ESRRB: variants seen among roughly 807,000 people sequenced by gnomAD.
The protein encoded by ESRRB is steroid hormone receptor ERR2.
In ESRRB, 16 loss-of-function variants were observed where a neutral mutation model predicts 46.0. The ratio of observed to expected loss-of-function variants is 0.35; its 90% CI spans 0.24 to 0.53. The LOEUF is 0.53. Among genes scored for constraint, ESRRB ranks in the 20% least tolerant of loss-of-function variants. The pLI is 0.93. For synonymous variants in ESRRB, 246 were observed against 259.6 expected, an observed-to-expected ratio of 0.95 and a Z score of 0.50; for missense variants, 488 against 607.4, an observed-to-expected ratio of 0.80 and a Z score of 2.07.
At chr14:76,404,194 G>A (rs118003772) in intron 1 of ESRRB, among the ~76,000 whole-genome samples, 6,000 of 152,082 alleles carry the variant, frequency 0.039, 167 homozygotes, top group Admixed American at 0.082. Flanking sequence ...GTGTGTGTGC[G>A]CGCGTGCGTG....
At chr14:76,381,750 G>C (rs75874206) in intron 1 of ESRRB, among the ~76,000 whole-genome samples, 3,240 of 152,228 alleles carry the variant, frequency 0.021, 108 homozygotes, top group African/African-American at 0.075. Flanking sequence ...CTGGCTCCTG[G>C]ACTCTGAGCA....
intron 2 of ESRRB, among the ~76,000 whole-genome samples, chr14:76,450,990 G>T (rs2139961529): frequency 6.6e-6 from 1 of 152,332 alleles, no homozygotes; most frequent in South Asian, 2.1e-4. Context: ...ACACAGCCAG[G>T]ATGCCAGTCA....
intron 5 of ESRRB, among the ~76,000 whole-genome samples, chr14:76,485,718 C>T (rs1889992436): frequency 1.3e-5 from 2 of 151,840 alleles, no homozygotes; most frequent in South Asian, 4.2e-4. Context: ...CTGGGGCCCA[C>T]CCTGGGGCCT....
chr14:76,432,606 C>CCCAGCTAATTTTTGTATTTGTAGT (rs1555396599), intron 1 of ESRRB, among the ~76,000 whole-genome samples: 2 of 147,808 alleles, frequency 1.4e-5, no homozygotes, highest in African/African-American at 2.6e-5. Flanking sequence ...CTGCCACCTA[C>CCCAGCTAATTTTTGTATTTGTAGT]AAACTTCTCA....
At chr14:76,492,507 A>G (rs1890270496) in intron 6 of ESRRB, among the ~76,000 whole-genome samples, 1 of 152,202 alleles carries the variant, frequency 6.6e-6, no homozygotes, top group Non-Finnish European at 1.5e-5. Context: ...GAATTCTTAC[A>G]AACAACCCAA....
At chr14:76,423,690 C>T (rs574046992) in intron 1 of ESRRB, among the ~76,000 whole-genome samples, 2 of 152,270 alleles carry the variant, frequency 1.3e-5, no homozygotes, top group African/African-American at 4.8e-5. Flanking sequence ...TCCTCAGATC[C>T]CACCTAACCC....
intron 1 of ESRRB, among the ~76,000 whole-genome samples, chr14:76,380,591 C>G (rs1218419369): frequency 6.6e-6 from 1 of 152,240 alleles, no homozygotes; most frequent in Admixed American, 6.5e-5. Flanking sequence ...TACCGGCCAT[C>G]ATCGAGTCTC....
chr14:76,497,713 G>A (rs1166608382), intron 6 of ESRRB, among the ~76,000 whole-genome samples: 1 of 152,190 alleles, frequency 6.6e-6, no homozygotes, highest in Non-Finnish European at 1.5e-5. Flanking sequence ...GGCAGCTGCA[G>A]TGGTTGTCAT....
chr14:76,381,770 C>A (rs1165417296), intron 1 of ESRRB, among the ~76,000 whole-genome samples: 1 of 152,146 alleles, frequency 6.6e-6, no homozygotes, highest in Non-Finnish European at 1.5e-5. Context: ...AGGTGTTCCA[C>A]AGAGCTGGAC....
intron 1 of ESRRB, among the ~76,000 whole-genome samples, chr14:76,437,022 G>A (rs1887702330): frequency 1.3e-5 from 2 of 150,992 alleles, no homozygotes; most frequent in South Asian, 4.2e-4. Flanking sequence ...CCCTCAGGAG[G>A]GGCTAATTAA....
At chr14:76,497,286 G>C (rs369387180) in intron 6 of ESRRB, among the ~76,000 whole-genome samples, 17 of 152,168 alleles carry the variant, frequency 1.1e-4, no homozygotes, top group African/African-American at 4.1e-4. Context: ...GCCCTGCAAG[G>C]ACACTCACCC....
intron 1 of ESRRB, among the ~76,000 whole-genome samples, chr14:76,438,853 C>T (rs529469106): frequency 1.3e-5 from 2 of 152,036 alleles, no homozygotes; most frequent in Admixed American, 1.3e-4. Context: ...CATGCTGGAA[C>T]GTAGGGGTGC....
chr14:76,451,799 T>A (rs1374071842), intron 2 of ESRRB, among the ~76,000 whole-genome samples: 3 of 150,280 alleles, frequency 2.0e-5, no homozygotes, highest in South Asian at 4.2e-4. Flanking sequence ...ATTTTTTTTT[T>A]TTTTTTTTTT....
At chr14:76,324,963 C>CTTTTTCTTTTTTT (rs1320537747) in intron 1 of ESRRB, among the ~76,000 whole-genome samples, 11 of 102,212 alleles carry the variant, frequency 1.1e-4, no homozygotes, top group Non-Finnish European at 1.6e-4. Context: ...TTTTCTTTTT[C>CTTTTTCTTTTTTT]TTTTTTTTTT....
intron 2 of ESRRB, among the ~76,000 whole-genome samples, chr14:76,444,252 C>G (rs531315442): frequency 1.3e-5 from 2 of 152,184 alleles, no homozygotes; most frequent in South Asian, 4.2e-4. Context: ...AGGCTGGTCT[C>G]GAATTCCTGA....
At chr14:76,412,344 C>A (rs978850052) in intron 1 of ESRRB, among the ~76,000 whole-genome samples, 1 of 152,172 alleles carries the variant, frequency 6.6e-6, no homozygotes, top group Non-Finnish European at 1.5e-5. Context: ...GAGGTAGTTC[C>A]CTTTCTTGTT....
Position 76,439,218 on chromosome 14 carries a change from GTTGTTTTA to G in ESRRB, c.51-121_51-114del, listed in dbSNP as rs2139932411. 4 of 1,130,922 alleles carry G rather than the reference GTTGTTTTA, an allele frequency of 3.5e-6. No homozygotes were observed. The South Asian group carries it at 5.0e-5, about 14-fold the overall frequency. 70.1% of individuals were successfully genotyped at this position (1,130,922 alleles called of 1,614,324 possible). Reference sequence around the variant, plus strand: ...GGGAGACCAGCTGACCTTCTCCACCGTTGTTTTATCGCACCAAAGCCTTAGCATAGAGC... The same window carrying G: ...GGGAGACCAGCTGACCTTCTCCACCGTCGCACCAAAGCCTTAGCATAGAGC... On this transcript the variant is annotated intron_variant, in intron 1 of 6. Coordinates refer to ENST00000644823, the MANE Select transcript of ESRRB (RefSeq NM_001379180.1).
At chr14:76,404,818 C>T (rs375410324) in intron 1 of ESRRB, among the ~76,000 whole-genome samples, 5 of 152,246 alleles carry the variant, frequency 3.3e-5, no homozygotes, top group Admixed American at 1.3e-4. Context: ...AAATAGGGCA[C>T]GGTAATCAGA....
chr14:76,374,378 C>G (rs1024626504), upstream of ESRRB, among the ~76,000 whole-genome samples: 2 of 152,038 alleles, frequency 1.3e-5, 1 homozygote, highest in South Asian at 4.2e-4. Context: ...GAAGGTGGGG[C>G]CTTCTAGGTG....
Sources: gnomAD v4.1 joint callset for allele counts (sites outside exome capture counted in the v4.1 genomes callset) on GRCh38, gnomAD v4.1.1 for gene constraint, MANE v1.5 for transcripts, NCBI Gene and HGNC (gene_info 2026-07-23, HGNC 2026-07-21) for gene names.